MYL12B: variants seen among roughly 807,000 people sequenced by gnomAD.
The protein encoded by MYL12B is myosin light chain 12B.
In MYL12B, 3 loss-of-function variants were observed where a neutral mutation model predicts 12.9. The observed-to-expected ratio is 0.23, with a 90% CI of 0.11 to 0.60. The LOEUF is 0.60. Among genes scored for constraint, MYL12B ranks in the 20% least tolerant of loss-of-function variants. MYL12B has a pLI of 0.89. For synonymous variants in MYL12B, 57 were observed against 71.9 expected (o/e 0.79, Z 1.05); for missense variants, 120 against 215.4 (o/e 0.56, Z 2.77).
intron 1 of MYL12B, chr18:3,262,497 G>T (rs911415832): frequency 3.3e-5 from 5 of 152,322 alleles, no homozygotes; most frequent in African/African-American, 9.6e-5. Context: ...CCGGTATGGG[G>T]AGACGCCCTG....
At chr18:3,264,283 GTATAC>G (rs2081619483) in intron 1 of MYL12B, among the ~76,000 whole-genome samples, 2 of 152,082 alleles carry the variant, frequency 1.3e-5, no homozygotes, top group African/African-American at 4.8e-5. Flanking sequence ...ATACAACTGT[GTATAC>G]TATACATATA....
chr18:3,276,385 C>T, intron 2 of MYL12B: 1 of 981,884 alleles, frequency 1.0e-6, no homozygotes, highest in East Asian at 1.2e-4. Context: ...TCTGGCCATT[C>T]CAGGGAGATT....
chr18:3,272,172 G>A (rs1037762831), intron 1 of MYL12B: 8 of 840,688 alleles, frequency 9.5e-6, no homozygotes, highest in Non-Finnish European at 1.0e-5. Context: ...GACCTTTTTT[G>A]AACATGACTA....
intron 2 of MYL12B, among the ~76,000 whole-genome samples, chr18:3,274,384 G>T (rs2081711040): frequency 1.3e-5 from 2 of 152,204 alleles, no homozygotes; most frequent in South Asian, 4.1e-4. Context: ...TCCTTTTAAA[G>T]ATACGTGTTA....
At chr18:3,274,147 A>G (rs1295727531) in intron 2 of MYL12B, among the ~76,000 whole-genome samples, 1 of 152,164 alleles carries the variant, frequency 6.6e-6, no homozygotes, top group Non-Finnish European at 1.5e-5. Flanking sequence ...TTGTAGTTAG[A>G]TTATAACCTA....
chr18:3,272,875 T>A lies in MYL12B; in HGVS notation c.-15-9T>A, dbSNP rs79906151. The A allele has an allele frequency of 1.9e-5, 29 of 1,535,548 alleles. No homozygotes were observed. Among genetic ancestry groups the A allele is most frequent in the Admixed American group, 4.2e-5 (2 of 47,484 alleles). The stretch of plus-strand genomic sequence containing the variant: ...TGTTTTACGTTTTTGTGTTTTTTTT[T>A]TAATCCAGAATTAAACAACCACCAT... On this transcript the variant is annotated splice_polypyrimidine_tract_variant and intron_variant, in intron 1 of 3. Coordinates refer to ENST00000237500, the MANE Select transcript of MYL12B (RefSeq NM_033546.4).
chr18:3,262,585 G>C (rs1206807164), intron 1 of MYL12B: 1 of 152,348 alleles, frequency 6.6e-6, no homozygotes, highest in African/African-American at 2.4e-5. Flanking sequence ...CTGGGCCTTG[G>C]ACGGCCCGGC....
chr18:3,272,145 G>A, intron 1 of MYL12B: 2 of 985,366 alleles, frequency 2.0e-6, no homozygotes, highest in Non-Finnish European at 2.4e-6. Context: ...GGGTGGGTTT[G>A]ATATTTATAA....
chr18:3,268,148 C>G (rs748282175), intron 1 of MYL12B, among the ~76,000 whole-genome samples: 1 of 152,156 alleles, frequency 6.6e-6, no homozygotes, highest in Non-Finnish European at 1.5e-5. Context: ...GAATATATCC[C>G]CCTCAGATAA....
chr18:3,271,903 A>T (rs1371634509), intron 1 of MYL12B: 1 of 187,350 alleles, frequency 5.3e-6, no homozygotes, highest in Non-Finnish European at 9.9e-6. Context: ...TGGAGGAATG[A>T]TTGGGAAGAA....
rs566734924 is a variant in MYL12B, at chr18:3,273,833, G to T, written c.184+751G>T. Among the ~76,000 whole-genome samples, 388 of 132,586 alleles carry T rather than the reference G, an allele frequency of 2.9e-3. 2 individuals carry two copies. Among genetic ancestry groups the T allele is most frequent in the African/African-American group, 0.011 (377 of 34,746 alleles). The allele number at this position is 132,586 out of a possible 152,430, so 87.0% of individuals were successfully genotyped here. On this transcript the variant is annotated intron_variant, in intron 2 of 3. Coordinates refer to ENST00000237500, the MANE Select transcript of MYL12B (RefSeq NM_033546.4). ...CCTGCTTGGCTGACTGGCCAAAAAG[G>T]CAAAGAAAGAGGTGGGGGTTTTTTT...
At chr18:3,268,353 T>G (rs952999502) in intron 1 of MYL12B, among the ~76,000 whole-genome samples, 1 of 152,202 alleles carries the variant, frequency 6.6e-6, no homozygotes, top group Admixed American at 6.5e-5. Context: ...GTATGGCTAT[T>G]TTCTGTCTGT....
chr18:3,266,165 G>A (rs927601004), intron 1 of MYL12B, among the ~76,000 whole-genome samples: 1 of 152,190 alleles, frequency 6.6e-6, no homozygotes, highest in African/African-American at 2.4e-5. Context: ...TTCTGGCACA[G>A]GGTCTCTCAT....
At chr18:3,269,738 G>A (rs1195542619) in intron 1 of MYL12B, among the ~76,000 whole-genome samples, 1 of 152,194 alleles carries the variant, frequency 6.6e-6, no homozygotes, top group African/African-American at 2.4e-5. Context: ...TTTAAACCAT[G>A]TGCTGCTAGA....
chr18:3,265,847 G>A (rs2081630434), intron 1 of MYL12B, among the ~76,000 whole-genome samples: 1 of 152,126 alleles, frequency 6.6e-6, no homozygotes, highest in Non-Finnish European at 1.5e-5. Flanking sequence ...TTGAGGAAGG[G>A]TGACTCGTGC....
chr18:3,267,750 T>C (rs917974571), intron 1 of MYL12B, among the ~76,000 whole-genome samples: 1 of 152,194 alleles, frequency 6.6e-6, no homozygotes, highest in Admixed American at 6.5e-5. Context: ...AACTTTATCG[T>C]AGGTATGTAT....
intron 1 of MYL12B, among the ~76,000 whole-genome samples, chr18:3,264,878 C>T (rs1410948890): frequency 1.3e-5 from 2 of 152,088 alleles, no homozygotes; most frequent in African/African-American, 4.8e-5. Flanking sequence ...ACATTTGTAA[C>T]TTAATGGGGG....
intron 1 of MYL12B, among the ~76,000 whole-genome samples, chr18:3,264,511 C>G (rs1231611161): frequency 6.6e-6 from 1 of 152,104 alleles, no homozygotes; most frequent in Admixed American, 6.5e-5. Context: ...CAAGACCAAC[C>G]TGGGCAACAT....
At chr18:3,277,177 G>T in intron 2 of MYL12B, 76 bp from the exon 3 acceptor site, 1 of 1,352,322 alleles carries the variant, frequency 7.4e-7, no homozygotes, top group Non-Finnish European at 9.8e-7. Flanking sequence ...AATATGTTGG[G>T]GAGCATAATA....
Sources: gnomAD v4.1 joint callset for allele counts (sites outside exome capture counted in the v4.1 genomes callset) on GRCh38, gnomAD v4.1.1 for gene constraint, MANE v1.5 for transcripts, NCBI Gene and HGNC (gene_info 2026-07-23, HGNC 2026-07-21) for gene names.